CFAP99: variants seen among roughly 807,000 people sequenced by gnomAD.
CFAP99 encodes cilia and flagella associated protein 99.
In CFAP99, 84 loss-of-function variants were observed where a neutral mutation model predicts 82.7. The ratio of observed to expected loss-of-function variants is 1.02; its 90% CI spans 0.85 to 1.22. The LOEUF (loss-of-function observed/expected upper bound fraction) is 1.22, where lower values mean the gene tolerates loss of function less well. Among genes scored for constraint, CFAP99 ranks in the 50% most tolerant of loss-of-function variants. CFAP99 has a pLI of 0.00. For synonymous variants in CFAP99, 456 were observed against 429.5 expected, an observed-to-expected ratio of 1.06 and a Z score of -0.76; for missense variants, 1,059 against 983.5, an observed-to-expected ratio of 1.08 and a Z score of -1.03.
intron 3 of CFAP99, among the ~76,000 whole-genome samples, chr4:2,437,434 C>T (rs1228261529): frequency 3.3e-5 from 5 of 152,172 alleles, no homozygotes; most frequent in Admixed American, 1.3e-4. Flanking sequence ...CTCTGACAGC[C>T]GTCTGCTTTC....
intron 11 of CFAP99, among the ~76,000 whole-genome samples, chr4:2,457,313 G>T (rs1156834535): frequency 6.6e-6 from 1 of 152,158 alleles, no homozygotes; most frequent in Non-Finnish European, 1.5e-5. Flanking sequence ...TTTTCCACTT[G>T]ATTCTGGCCA....
chr4:2,435,276 G>A (rs371182228), intron 2 of CFAP99, among the ~76,000 whole-genome samples: 127 of 141,896 alleles, frequency 9.0e-4, no homozygotes, highest in African/African-American at 3.2e-3. Context: ...CAGCCTGGGC[G>A]ACAGAGCAAG....
chr4:2,448,755 CG>C lies in CFAP99; in HGVS notation c.643-911del, dbSNP rs1734225964. Among the ~76,000 whole-genome samples, 2 of 152,186 alleles carry C rather than the reference CG, an allele frequency of 1.3e-5. No homozygotes were observed. Among genetic ancestry groups the C allele is most frequent in the African/African-American group, 4.8e-5 (2 of 41,450 alleles). On this transcript the variant is annotated intron_variant, in intron 6 of 14. Transcript: ENST00000635017. This position sits in a 1 kb window ranked among gnomAD's most constrained non-coding sequence, Gnocchi z 5.2. Reference sequence around the variant, plus strand: ...GGAGTGAGGCAGGGAAGAGGGAAGGCGGGGTACCGGTCTGGTCACACATCCA... The same window carrying C: ...GGAGTGAGGCAGGGAAGAGGGAAGGCGGGTACCGGTCTGGTCACACATCCA...
intron 13 of CFAP99, 50 bp downstream of exon 13, chr4:2,459,308 G>A (rs1056845387): frequency 6.8e-7 from 1 of 1,474,174 alleles, no homozygotes; most frequent in Admixed American, 2.3e-5. Context: ...CTCCACGCTG[G>A]CACTGCCATG....
chr4:2,422,871 GA>G (rs1733612031), intron 1 of CFAP99, among the ~76,000 whole-genome samples: 1 of 152,158 alleles, frequency 6.6e-6, no homozygotes, highest in Non-Finnish European at 1.5e-5. Flanking sequence ...TGGTAGCACA[GA>G]CATAGCCCAA....
rs1032018111 is a variant in CFAP99 at position 2,452,137 on chromosome 4, C to T, written c.957-5C>T. ...CAAGCTGTGCTTCTGTCCCTCTTTG[C>T]CCAGGGTTGATAAGCTCGTGGATGG... On this transcript the variant is annotated splice_region_variant and splice_polypyrimidine_tract_variant and intron_variant, in intron 10 of 14. Coordinates refer to ENST00000635017, the Ensembl canonical transcript of CFAP99. 252 of 1,535,884 alleles carry T rather than the reference C, an allele frequency of 1.6e-4. No individual in the cohort carries two copies. The highest frequency in any genetic ancestry group is 2.2e-4 in the Non-Finnish European group (249 of 1,146,852).
intron 6 of CFAP99, among the ~76,000 whole-genome samples, chr4:2,447,932 GAT>G (rs1226441089): frequency 2.3e-3 from 18 of 7,920 alleles, no homozygotes; most frequent in East Asian, 0.012. Flanking sequence ...TGGATGGGTG[GAT>G]GGATGGATGG....
At position 2,462,654 on chromosome 4, in the gene CFAP99, G is replaced by C. The variant is rs747211725; in HGVS notation, c.1873G>C (p.Gly625Arg). 9.4e-6 allele frequency: 12 copies of C among 1,277,960 alleles called. No individual in the cohort carries two copies. In the South Asian group the frequency reaches 2.8e-4, roughly 30 times the overall value. 79.2% of individuals were successfully genotyped at this position (1,277,960 alleles called of 1,614,324 possible). A position where few individuals can be genotyped will look rare whatever the true frequency, so the allele number is the denominator to read the frequency against. ...GCCCGGGCGACTGAAAGCCGGGGCC[G>C]GGTGGGGATGGCGGGCGCGGCGCGC... Residue 625 changes from glycine to arginine, a missense_variant, in exon 15 of 15, where the codon GGG becomes CGG. Transcript: ENST00000635017. The surrounding 1 kb of genome is among the most constrained non-coding windows in gnomAD (Gnocchi z 4.1).
chr4:2,441,699 C>T (rs551537967), intron 4 of CFAP99, among the ~76,000 whole-genome samples: 1 of 152,332 alleles, frequency 6.6e-6, no homozygotes, highest in Non-Finnish European at 1.5e-5. Context: ...CATCCCACAC[C>T]CCATGCCCCG....
chr4:2,426,571 G>T, exon 2 of CFAP99: 1 of 1,535,406 alleles, frequency 6.5e-7, no homozygotes. Context: ...TGGAGGCTGC[G>T]GCCACCTCCC....
In CFAP99 at chr4:2,446,368, G is replaced by GTTATTATTATTATTA. The variant is rs146154713; in HGVS notation, c.642+1087_642+1101dup. Among the ~76,000 whole-genome samples, 8 of 148,440 alleles carry GTTATTATTATTATTA rather than the reference G, an allele frequency of 5.4e-5. No individual in the cohort carries two copies. The highest frequency in any genetic ancestry group is 1.5e-4 in the African/African-American group (6 of 40,018). ...CTTTTTATTTCATTTTATTATTGTT[G>GTTATTATTATTATTA]TTATTATTATTATTATTATTATTAT... On this transcript the variant is annotated intron_variant, in intron 6 of 14. Transcript: ENST00000635017. The surrounding 1 kb of genome is among the most constrained non-coding windows in gnomAD (Gnocchi z 5.0).
rs1173340559 is a variant in CFAP99 at position 2,445,242 on chromosome 4, G to A, written c.576G>A (p.Leu192=). The change falls in exon 6 of 15, where the codon CTG becomes CTA. Residue 192 remains leucine (L), a synonymous_variant. Coordinates refer to ENST00000635017, the Ensembl canonical transcript of CFAP99. ...TCACAGAGCCCAAGGAATTCAACCT[G>A]ACTGCCCCCAGGCCCCGCACCATTC... 4.0e-5 allele frequency: 58 copies of A among 1,448,550 alleles called. No individual in the cohort carries two copies. In the East Asian group the frequency reaches 1.6e-3, roughly 40 times the overall value. The allele number at this position is 1,448,550 out of a possible 1,614,324, so 89.7% of individuals were successfully genotyped here. A position where few individuals can be genotyped will look rare whatever the true frequency, so the allele number is the denominator to read the frequency against.
intron 13 of CFAP99, 21 bp downstream of exon 13, chr4:2,459,279 G>A (rs914354541): frequency 9.2e-6 from 14 of 1,514,748 alleles, no homozygotes; most frequent in Middle Eastern, 1.7e-4. Context: ...AGTCCTGGAC[G>A]GGCCCATGCC....
chr4:2,448,260 A>G lies in CFAP99; in HGVS notation c.643-1410A>G, dbSNP rs1734216651. 6.6e-6 allele frequency among the ~76,000 whole-genome samples: 1 copy of G among 152,158 alleles called. No homozygotes were observed. Among genetic ancestry groups the G allele is most frequent in the African/African-American group, 2.4e-5 (1 of 41,434 alleles). On this transcript the variant is annotated intron_variant, in intron 6 of 14. Coordinates refer to ENST00000635017, the Ensembl canonical transcript of CFAP99. This position sits in a 1 kb window ranked among gnomAD's most constrained non-coding sequence, Gnocchi z 5.2. ...TGTGTTTGTCTCAGGTCATGCTGCC[A>G]ACTTCATCTCTCTCTCTGTCTCTGC... is the stretch of plus-strand genomic sequence containing the variant.
At chr4:2,454,931 C>A (rs1228803819) in intron 11 of CFAP99, among the ~76,000 whole-genome samples, 1 of 146,490 alleles carries the variant, frequency 6.8e-6, no homozygotes, top group Non-Finnish European at 1.5e-5. Flanking sequence ...CACAGTTTTT[C>A]TTTTTTGAGA....
At chr4:2,438,460 C>T (rs1216156587) in intron 4 of CFAP99, among the ~76,000 whole-genome samples, 1 of 152,078 alleles carries the variant, frequency 6.6e-6, no homozygotes, top group African/African-American at 2.4e-5. Context: ...GACGGGGTTT[C>T]ACCATGTTAC....
At chr4:2,461,427 G>A (rs1734618273) in intron 14 of CFAP99, among the ~76,000 whole-genome samples, 1 of 152,214 alleles carries the variant, frequency 6.6e-6, no homozygotes, top group African/African-American at 2.4e-5. Flanking sequence ...TTCACTGTTG[G>A]TCCTTGGAGG....
intron 4 of CFAP99, among the ~76,000 whole-genome samples, chr4:2,441,562 G>A (rs1232916979): frequency 6.6e-6 from 1 of 152,146 alleles, no homozygotes; most frequent in Non-Finnish European, 1.5e-5. Context: ...CAGCACCGTT[G>A]GGGACAGGGT....
chr4:2,452,919 C>T (rs1199753809), intron 11 of CFAP99, among the ~76,000 whole-genome samples: 2 of 151,972 alleles, frequency 1.3e-5, no homozygotes, highest in Non-Finnish European at 2.9e-5. Flanking sequence ...AAAAATTAGC[C>T]GGGCATGGTG....
Sources: allele counts gnomAD v4.1 joint callset (sites outside exome capture counted in the v4.1 genomes callset), GRCh38; gene constraint gnomAD v4.1.1; non-coding constraint Gnocchi (gnomAD v3.1); transcripts MANE v1.5; gene names NCBI Gene and HGNC (gene_info 2026-07-23, HGNC 2026-07-21).